Variants in SERINC5 observed in about 807,000 individuals in gnomAD.
SERINC5 encodes serine incorporator 5.
A neutral mutation model predicts 63.1 loss-of-function variants in SERINC5; 41 were observed. The ratio of observed to expected loss-of-function variants is 0.65; its 90% CI spans 0.51 to 0.84. The LOEUF is 0.84. Among genes scored for constraint, SERINC5 ranks in the 40% least tolerant of loss-of-function variants. SERINC5 has a pLI of 0.00. For synonymous variants in SERINC5, 222 were observed against 215.2 expected (o/e 1.03, Z -0.28); for missense variants, 523 against 573.0 (o/e 0.91, Z 0.89).
intron 11 of SERINC5, among the ~76,000 whole-genome samples, chr5:80,119,370 C>T (rs1744454618): frequency 6.6e-6 from 1 of 152,126 alleles, no homozygotes; most frequent in Non-Finnish European, 1.5e-5. Flanking sequence ...CCTAGACAGC[C>T]AATATCACCA....
intron 11 of SERINC5, among the ~76,000 whole-genome samples, chr5:80,120,832 T>A (rs1189949219): frequency 6.6e-6 from 1 of 152,040 alleles, no homozygotes; most frequent in Non-Finnish European, 1.5e-5. Flanking sequence ...AAGAAATACC[T>A]GCATTGCTAT....
chr5:80,228,743 A>C (rs1751286599), intron 1 of SERINC5, among the ~76,000 whole-genome samples: 2 of 152,130 alleles, frequency 1.3e-5, no homozygotes, highest in African/African-American at 4.8e-5. Context: ...CAAAAATTTT[A>C]AGTTGCCTAA....
At chr5:80,148,459 G>A (rs148374236) in intron 9 of SERINC5, among the ~76,000 whole-genome samples, 3,157 of 151,768 alleles carry the variant, frequency 0.021, 115 homozygotes, top group African/African-American at 0.071. Context: ...CAAAGTGCTG[G>A]GATTACAGCC....
In SERINC5 at chr5:80,140,327, A is replaced by C. The variant is rs2112281755; in HGVS notation, c.*3336T>G. The C allele has an allele frequency of 1.1e-6, 1 of 930,686 alleles. No individual in the cohort carries two copies. The highest frequency in any genetic ancestry group is 1.2e-4 in the East Asian group (1 of 8,656). The allele number at this position is 930,686 out of a possible 1,614,324, so 57.7% of individuals were successfully genotyped here. On this transcript the variant is annotated 3_prime_UTR_variant, in exon 12 of 12. Transcript: ENST00000507668. ...CTCCAAAAAAAAAAAAAAAAAAAAAAAAAAAGGCTTAGGGTGACAATTTTG... is the reference window on the plus strand; with the variant it reads ...CTCCAAAAAAAAAAAAAAAAAAAAACAAAAAGGCTTAGGGTGACAATTTTG...
chr5:80,141,689 G>A lies in SERINC5; in HGVS notation c.*1974C>T. The A allele has an allele frequency of 1.0e-6, 1 of 985,514 alleles. No homozygotes were observed. The highest frequency in any genetic ancestry group is 1.2e-6 in the Non-Finnish European group (1 of 830,024). 61.0% of individuals were successfully genotyped at this position (985,514 alleles called of 1,614,324 possible). On this transcript the variant is annotated 3_prime_UTR_variant, in exon 12 of 12. Coordinates refer to ENST00000507668, the MANE Select transcript of SERINC5 (RefSeq NM_001174072.3). Reference sequence around the variant, plus strand: ...AGCCCCACTCCCTGAGCCCATTCCTGGCCCACGGAACTCCTGTCCCCTAAC... The same window carrying A: ...AGCCCCACTCCCTGAGCCCATTCCTAGCCCACGGAACTCCTGTCCCCTAAC...
At chr5:80,183,571 G>A (rs1355104254) in intron 2 of SERINC5, among the ~76,000 whole-genome samples, 2 of 152,192 alleles carry the variant, frequency 1.3e-5, no homozygotes, top group East Asian at 3.9e-4. Context: ...GAAGTGAAAA[G>A]GCCCTGCTCT....
At chr5:80,215,066 C>T (rs1027025317) in intron 1 of SERINC5, among the ~76,000 whole-genome samples, 1 of 152,144 alleles carries the variant, frequency 6.6e-6, no homozygotes, top group Non-Finnish European at 1.5e-5. Flanking sequence ...AAACAGCTAT[C>T]GATATGGCTA....
At chr5:80,206,085 G>A (rs566188514) in intron 1 of SERINC5, among the ~76,000 whole-genome samples, 1 of 151,498 alleles carries the variant, frequency 6.6e-6, no homozygotes, top group East Asian at 1.9e-4. Context: ...GCACCAGAAA[G>A]GAGTCCCTGT....
chr5:80,184,938 G>A (rs966624444), intron 2 of SERINC5, among the ~76,000 whole-genome samples: 6 of 152,080 alleles, frequency 3.9e-5, no homozygotes, highest in South Asian at 2.1e-4. Context: ...GTGCAGTGGC[G>A]CAATCTCGGT....
In SERINC5 at chr5:80,177,528, GAAGT is replaced by G. The variant is rs1748116438; in HGVS notation, c.375-135_375-132del. On this transcript the variant is annotated intron_variant, in intron 3 of 11. Transcript: ENST00000507668. ...GCCAATGTTCTCTCCTAATCAAGGG[GAAGT>G]AACTAGGTGACTTGAAGAATGCTTT... The G allele has an allele frequency of 2.8e-5, 20 of 725,118 alleles. 1 individual carries two copies. In the South Asian group the frequency reaches 3.6e-4, roughly 13 times the overall value. The allele number at this position is 725,118 out of a possible 1,614,324, so 44.9% of individuals were successfully genotyped here.
At chr5:80,237,975 G>A (rs1391316301) in intron 1 of SERINC5, among the ~76,000 whole-genome samples, 48 of 151,254 alleles carry the variant, frequency 3.2e-4, no homozygotes, top group African/African-American at 1.0e-3. Flanking sequence ...GTGGTGGCGC[G>A]CGCCTGTAGT....
intron 2 of SERINC5, among the ~76,000 whole-genome samples, chr5:80,180,906 T>C (rs561686438): frequency 6.6e-6 from 1 of 152,312 alleles, no homozygotes; most frequent in East Asian, 1.9e-4. Flanking sequence ...TAGACTTAGA[T>C]TGCAGACCTA....
At chr5:80,162,241 T>C (rs1455239870) in intron 7 of SERINC5, among the ~76,000 whole-genome samples, 2 of 152,144 alleles carry the variant, frequency 1.3e-5, no homozygotes, top group African/African-American at 4.8e-5. Flanking sequence ...TGTTTTTCTG[T>C]GAAAAATGTC....
intron 2 of SERINC5, among the ~76,000 whole-genome samples, chr5:80,178,371 G>A (rs992658071): frequency 2.2e-4 from 2 of 8,896 alleles, no homozygotes; most frequent in Non-Finnish European, 5.4e-4. Flanking sequence ...CCCCACCCCC[G>A]ACCCCAAGAC....
Position 80,169,316 on chromosome 5 carries a change from T to C in SERINC5, c.763+19A>G, listed in dbSNP as rs917421565. 2 of 1,603,736 alleles carry C rather than the reference T, an allele frequency of 1.2e-6. No homozygotes were observed. On this transcript the variant is annotated intron_variant, in intron 6 of 11. Coordinates refer to ENST00000507668, the MANE Select transcript of SERINC5 (RefSeq NM_001174072.3). ...TTAGGAAAATATAAGTAACGAAGAA[T>C]GGAAAAAAACATGCTTACGATTTTG...
chr5:80,172,497 C>CA (rs560552612), intron 5 of SERINC5, among the ~76,000 whole-genome samples: 144 of 152,250 alleles, frequency 9.5e-4, no homozygotes, highest in Non-Finnish European at 1.6e-3. Context: ...TATGCCCTCA[C>CA]AAAACTGGAA....
intron 11 of SERINC5, among the ~76,000 whole-genome samples, chr5:80,120,772 GCTGCACTCCAGC>G: frequency 6.6e-6 from 1 of 152,230 alleles, no homozygotes; most frequent in South Asian, 2.1e-4. Context: ...CGAGTTTCAG[GCTGCACTCCAGC>G]CTGGGGGACA....
chr5:80,252,089 G>C (rs1359223939), intron 1 of SERINC5, among the ~76,000 whole-genome samples: 1 of 124,526 alleles, frequency 8.0e-6, no homozygotes. Context: ...TTGAGACAGC[G>C]TCTCACTCTG....
chr5:80,246,474 T>C (rs1331603318), intron 1 of SERINC5, among the ~76,000 whole-genome samples: 1 of 152,230 alleles, frequency 6.6e-6, no homozygotes, highest in Non-Finnish European at 1.5e-5. Context: ...ACTTTTGTTT[T>C]GACTACACAG....
Sources: gnomAD v4.1 joint callset for allele counts (sites outside exome capture counted in the v4.1 genomes callset) on GRCh38, gnomAD v4.1.1 for gene constraint, MANE v1.5 for transcripts, NCBI Gene and HGNC (gene_info 2026-07-23, HGNC 2026-07-21) for gene names.